Variants in KCNU1 observed in about 807,000 individuals in gnomAD.
KCNU1 encodes the protein potassium channel subfamily U member 1.
In KCNU1, 93 loss-of-function variants were observed where a neutral mutation model predicts 126.8. The observed-to-expected ratio is 0.73, with a 90% CI of 0.62 to 0.87. The LOEUF (loss-of-function observed/expected upper bound fraction) is 0.87. Among genes scored for constraint, KCNU1 ranks in the 40% least tolerant of loss-of-function variants. The probability of loss-of-function intolerance (pLI) is 0.00; values close to 1 mark genes in which losing one functional copy is unlikely to be tolerated. For synonymous variants in KCNU1, 523 were observed against 494.2 expected, an observed-to-expected ratio of 1.06 and a Z score of -0.77; for missense variants, 1,330 against 1,367.1, an observed-to-expected ratio of 0.97 and a Z score of 0.43.
rs568670750 is a variant in KCNU1 at position 36,919,116 on chromosome 8, C to T, written c.2596+219C>T. ...TCAGAAATGACATCTGCCTTCTCCA[C>T]TCTTTTAGTTACCAGCAGAGGGAGG... On this transcript the variant is annotated intron_variant, in intron 23 of 26. Transcript: ENST00000399881. 5.3e-5 allele frequency among the ~76,000 whole-genome samples: 8 copies of T among 152,256 alleles called. No homozygotes were observed. In the East Asian group the frequency reaches 1.6e-3, roughly 30 times the overall value.
At chr8:36,876,320 AAAAAGAAAACAG>A (rs1806276922) in intron 19 of KCNU1, among the ~76,000 whole-genome samples, 1 of 152,214 alleles carries the variant, frequency 6.6e-6, no homozygotes, top group Non-Finnish European at 1.5e-5. Context: ...GAATGCGTTA[AAAAAGAAAACAG>A]ACAAGGAACC....
chr8:36,806,528 C>G (rs1397788416), intron 5 of KCNU1, 148 bp downstream of exon 5: 2 of 576,506 alleles, frequency 3.5e-6, no homozygotes, highest in African/African-American at 1.9e-5. Context: ...TTGTCATACA[C>G]TTGCAGAAAC....
chr8:36,882,295 C>A (rs146256784), intron 19 of KCNU1, among the ~76,000 whole-genome samples: 1 of 152,194 alleles, frequency 6.6e-6, no homozygotes, highest in Non-Finnish European at 1.5e-5. Flanking sequence ...AAGTTCACAG[C>A]GTTGCTCCTT....
chr8:36,909,513 T>C lies in KCNU1; in HGVS notation c.2309T>C (p.Phe770Ser). ...LQREWRFLWN[F>S]PQIYILPGCA... ...AGAGAATGGCGATTTCTCTGGAATT[T>C]TCCCCAGATATACATTCTGCCTGTA... Residue 770 changes from phenylalanine (F) to serine (S), a missense_variant, in exon 21 of 27, where the codon TTT (phenylalanine) becomes TCT (serine). Around this residue, in one of 3 missense-constraint regions of KCNU1, gnomAD observed 1,054 missense variants for 1,053.9 expected, o/e 1.00. Transcript: ENST00000399881. 5.6e-6 allele frequency: 9 copies of C among 1,603,518 alleles called. No individual in the cohort carries two copies. The highest frequency in any genetic ancestry group is 6.8e-6 in the Non-Finnish European group (8 of 1,170,314).
In KCNU1 at chr8:36,934,341, T is replaced by A. The variant is rs569331457; in HGVS notation, c.3045-1174T>A. Among the ~76,000 whole-genome samples the A allele has an allele frequency of 1.3e-4, 19 of 151,956 alleles. No individual in the cohort carries two copies. The South Asian group carries it at 1.5e-3, about 12-fold the overall frequency. ...GCATGTCAAGTGCTAAAGGGCAAAA[T>A]AAGCATCGAGGTCTACAGACGACTC... On this transcript the variant is annotated intron_variant, in intron 26 of 26. Coordinates refer to ENST00000399881, the MANE Select transcript of KCNU1 (RefSeq NM_001031836.3).
chr8:36,904,452 A>T (rs572508295), intron 19 of KCNU1, among the ~76,000 whole-genome samples: 1 of 152,270 alleles, frequency 6.6e-6, no homozygotes, highest in African/African-American at 2.4e-5. Context: ...TGAGGTTGGT[A>T]ACCTCAACTT....
intron 14 of KCNU1, among the ~76,000 whole-genome samples, chr8:36,839,836 G>A (rs1215694975): frequency 6.6e-6 from 1 of 152,154 alleles, no homozygotes; most frequent in Non-Finnish European, 1.5e-5. Flanking sequence ...CGTCAGCCAC[G>A]AGTTCCTAAC....
intron 19 of KCNU1, among the ~76,000 whole-genome samples, chr8:36,901,963 G>T (rs750722984): frequency 9.9e-5 from 15 of 152,072 alleles, no homozygotes; most frequent in Admixed American, 2.0e-4. Flanking sequence ...TTGCTTCCAT[G>T]TTCTAAGACT....
chr8:36,805,355 G>T, intron 4 of KCNU1, 70 bp downstream of exon 4: 3 of 926,074 alleles, frequency 3.2e-6, no homozygotes, highest in Non-Finnish European at 5.2e-6. Flanking sequence ...AACTAACTGT[G>T]TCTCAGTCCT....
chr8:36,825,225 C>G (rs1360129493), intron 10 of KCNU1, among the ~76,000 whole-genome samples: 1 of 152,032 alleles, frequency 6.6e-6, no homozygotes, highest in East Asian at 1.9e-4. Context: ...TAACATTTTC[C>G]TCATTACTAG....
chr8:36,917,766 G>T (rs1808173681), intron 22 of KCNU1, among the ~76,000 whole-genome samples: 1 of 152,118 alleles, frequency 6.6e-6, no homozygotes, highest in South Asian at 2.1e-4. Context: ...TCAGGCCAGT[G>T]CTGTGCATGC....
At chr8:36,853,855 G>T (rs1399754682) in intron 18 of KCNU1, among the ~76,000 whole-genome samples, 1 of 152,078 alleles carries the variant, frequency 6.6e-6, no homozygotes, top group Non-Finnish European at 1.5e-5. Context: ...TGCCTAATGT[G>T]CTTGTATTTC....
chr8:36,860,793 A>T (rs2117324800), intron 18 of KCNU1, among the ~76,000 whole-genome samples: 2 of 152,332 alleles, frequency 1.3e-5, no homozygotes, highest in Non-Finnish European at 2.9e-5. Context: ...GGAAATTGGA[A>T]AGAGGGTGCA....
At chr8:36,858,434 A>C (rs73676536) in intron 18 of KCNU1, among the ~76,000 whole-genome samples, 2 of 152,264 alleles carry the variant, frequency 1.3e-5, no homozygotes, top group African/African-American at 4.8e-5. Flanking sequence ...CCATTAGAGG[A>C]AGGGCCCATA....
rs1230812976 is a variant in KCNU1, at chr8:36,882,678, G to A, written c.2009+18157G>A. Reference sequence around the variant, plus strand: ...GGCTCACTGCAACCTCCTCCTCCCAGGTTCAAGCGATTCTCCTGCCTTAGC... The same window carrying A: ...GGCTCACTGCAACCTCCTCCTCCCAAGTTCAAGCGATTCTCCTGCCTTAGC... On this transcript the variant is annotated intron_variant, in intron 19 of 26. Coordinates refer to ENST00000399881, the MANE Select transcript of KCNU1 (RefSeq NM_001031836.3). Among the ~76,000 whole-genome samples, 5 of 152,150 alleles carry A rather than the reference G, an allele frequency of 3.3e-5. 1 individual carries two copies. The East Asian group carries it at 9.7e-4, about 30-fold the overall frequency.
rs143298311 is a variant in KCNU1 at position 36,833,509 on chromosome 8, A to C, written c.1107-45A>C. On this transcript the variant is annotated intron_variant, in intron 10 of 26. Coordinates refer to ENST00000399881, the MANE Select transcript of KCNU1 (RefSeq NM_001031836.3). ...TATAAAAACCTCTAAACCCAGAGTCAATCATCTTTTTTCCCTCATTGCTGC... is the reference window on the plus strand; with the variant it reads ...TATAAAAACCTCTAAACCCAGAGTCCATCATCTTTTTTCCCTCATTGCTGC... 1.1e-3 allele frequency: 1,208 copies of C among 1,116,258 alleles called. 14 individuals are homozygous for C. In the African/African-American group the frequency reaches 0.017, roughly 16 times the overall value. The allele number at this position is 1,116,258 out of a possible 1,614,324, so 69.1% of individuals were successfully genotyped here.
chr8:36,906,534 A>T (rs1328617297), intron 20 of KCNU1, among the ~76,000 whole-genome samples: 2 of 152,180 alleles, frequency 1.3e-5, no homozygotes, highest in Admixed American at 1.3e-4. Flanking sequence ...TTACCTTACA[A>T]GTAGTAGCTG....
At chr8:36,808,187 C>G (rs1462608397) in intron 6 of KCNU1, among the ~76,000 whole-genome samples, 1 of 152,094 alleles carries the variant, frequency 6.6e-6, no homozygotes, top group African/African-American at 2.4e-5. Context: ...CTCTAGGGCT[C>G]TCCTTAGGTG....
intron 19 of KCNU1, among the ~76,000 whole-genome samples, chr8:36,895,516 A>G (rs1807154870): frequency 6.6e-6 from 1 of 152,152 alleles, no homozygotes; most frequent in Non-Finnish European, 1.5e-5. Flanking sequence ...CTCTATTAAC[A>G]AATTTAAACT....
Sources: gnomAD v4.1 joint callset for allele counts (sites outside exome capture counted in the v4.1 genomes callset) on GRCh38, gnomAD v4.1.1 for gene constraint, gnomAD v4.1.1 regional missense constraint, MANE v1.5 for transcripts, NCBI Gene and HGNC (gene_info 2026-07-23, HGNC 2026-07-21) for gene names.